Variants in DDB2 observed in about 807,000 individuals in gnomAD.
DDB2 encodes the protein damage specific DNA binding protein 2.
DDB2 carries 27 observed loss-of-function variants against 50.5 expected under a neutral mutation model. That is an observed-to-expected ratio of 0.53 (90% confidence interval 0.39 to 0.74). The LOEUF (loss-of-function observed/expected upper bound fraction) is 0.74, where lower values mean the gene tolerates loss of function less well. DDB2 is among the 30% of genes least tolerant of loss of function. The pLI is 0.00. For missense variants in DDB2, 424 were observed against 545.6 expected, an observed-to-expected ratio of 0.78 and a Z score of 2.22; for synonymous variants, 176 against 205.5, an observed-to-expected ratio of 0.86 and a Z score of 1.23.
intron 3 of DDB2, among the ~76,000 whole-genome samples, chr11:47,219,744 AG>A (rs1953455121): frequency 6.6e-6 from 1 of 152,242 alleles, no homozygotes; most frequent in East Asian, 1.9e-4. Flanking sequence ...TCTGGTTTAA[AG>A]GTAGACATGA....
At position 47,223,097 on chromosome 11, in the gene DDB2, A is replaced by G. The variant is rs959239224; in HGVS notation, c.456+6048A>G. On this transcript the variant is annotated intron_variant, in intron 3 of 9. Coordinates refer to ENST00000256996, the MANE Select transcript of DDB2 (RefSeq NM_000107.3). ...GAATTCTAGGTTCACAGTTTTTAAA[A>G]TTATTTAACTTTTATTTTTTAATTG... Among the ~76,000 whole-genome samples the G allele has an allele frequency of 7.2e-5, 11 of 152,318 alleles. No individual in the cohort carries two copies. In the South Asian group the frequency reaches 1.0e-3, roughly 14 times the overall value.
At position 47,237,883 on chromosome 11, in the gene DDB2, C is replaced by T. The variant is rs780665825; in HGVS notation, c.1070C>T (p.Pro357Leu). ...RYNLIVVGRY[P>L]DPNFKSCTPY... is the part of the protein sequence containing the mutation. ...AACCTCATTGTTGTGGGCCGATACCCAGATCCTAATTTCAAAAGTTGTACC... is the reference window on the plus strand; with the variant it reads ...AACCTCATTGTTGTGGGCCGATACCTAGATCCTAATTTCAAAAGTTGTACC... The change falls in exon 8 of 10, where the codon CCA becomes CTA. Residue 357 changes from proline to leucine, a missense_variant. Coordinates refer to ENST00000256996, the MANE Select transcript of DDB2 (RefSeq NM_000107.3). The T allele has an allele frequency of 1.3e-5, 21 of 1,614,048 alleles. No homozygotes were observed. The highest frequency in any genetic ancestry group is 1.6e-5 in the Non-Finnish European group (19 of 1,180,034).
rs1953695708 is a variant in DDB2, at chr11:47,234,595, G to A, written c.625G>A (p.Val209Met). Residue 209 changes from valine to methionine, a missense_variant, in exon 5 of 10, where the codon GTG becomes ATG. Transcript: ENST00000256996. ...TINIWFCSLD[V>M]SASSRMVVTG... ...CAGCATCTGGTTTTGTAGCCTGGAT[G>A]TGTCTGCTAGTAGCCGAATGGTGGT... 1.2e-6 allele frequency: 2 copies of A among 1,613,996 alleles called. No individual in the cohort carries two copies. Among genetic ancestry groups the A allele is most frequent in the African/African-American group, 2.7e-5 (2 of 74,896 alleles).
intron 1 of DDB2, 101 bp downstream of exon 1, chr11:47,215,364 C>T: frequency 1.3e-6 from 2 of 1,589,406 alleles, no homozygotes; most frequent in East Asian, 2.2e-5. Flanking sequence ...GAGGCCCGCG[C>T]AGGTCACGGG....
intron 3 of DDB2, among the ~76,000 whole-genome samples, chr11:47,217,625 C>A (rs1953420238): frequency 6.6e-6 from 1 of 151,332 alleles, no homozygotes; most frequent in South Asian, 2.1e-4. Flanking sequence ...GGCGCAGTGG[C>A]TCAGGCCTGT....
intron 3 of DDB2, among the ~76,000 whole-genome samples, chr11:47,232,485 TA>T (rs11422980): frequency 7.9e-4 from 115 of 146,026 alleles, no homozygotes; most frequent in South Asian, 1.5e-3. Context: ...AACCCCATCT[TA>T]AAAAAAAAAA....
At chr11:47,227,268 G>A (rs1258399162) in intron 3 of DDB2, among the ~76,000 whole-genome samples, 4 of 150,072 alleles carry the variant, frequency 2.7e-5, no homozygotes, top group East Asian at 2.0e-4. Flanking sequence ...CACCATGCCC[G>A]GCTAATTTTT....
intron 3 of DDB2, among the ~76,000 whole-genome samples, chr11:47,232,258 C>T (rs936631347): frequency 4.6e-5 from 7 of 151,904 alleles, no homozygotes; most frequent in African/African-American, 4.8e-5. Flanking sequence ...GCAGGAGAAT[C>T]GCTTGAACCT....
intron 3 of DDB2, among the ~76,000 whole-genome samples, chr11:47,223,304 G>T (rs1953512220): frequency 6.6e-6 from 1 of 152,198 alleles, no homozygotes; most frequent in East Asian, 1.9e-4. Context: ...GGCTAACATG[G>T]TGAAACCCCG....
intron 3 of DDB2, among the ~76,000 whole-genome samples, chr11:47,218,759 A>C (rs1453430654): frequency 6.6e-6 from 1 of 151,622 alleles, no homozygotes; most frequent in Non-Finnish European, 1.5e-5. Context: ...AAAAAAAAAG[A>C]ATGTATGGTG....
intron 3 of DDB2, among the ~76,000 whole-genome samples, chr11:47,231,134 A>AC (rs1320174580): frequency 6.6e-6 from 1 of 151,158 alleles, no homozygotes; most frequent in African/African-American, 2.4e-5. Context: ...AAAAAAAAAA[A>AC]AAAAAAAAAA....
At chr11:47,229,376 A>T (rs1370144579) in intron 3 of DDB2, among the ~76,000 whole-genome samples, 2 of 151,952 alleles carry the variant, frequency 1.3e-5, no homozygotes, top group Admixed American at 6.6e-5. Flanking sequence ...TTGCATGGAG[A>T]GGGGCGGCCG....
At chr11:47,230,104 C>A (rs967964839) in intron 3 of DDB2, among the ~76,000 whole-genome samples, 5 of 148,712 alleles carry the variant, frequency 3.4e-5, no homozygotes, top group African/African-American at 1.2e-4. Flanking sequence ...TTGAGACTGG[C>A]CTGAGTTACA....
At chr11:47,236,332 C>T (rs1250607892) in intron 7 of DDB2, among the ~76,000 whole-genome samples, 1 of 152,196 alleles carries the variant, frequency 6.6e-6, no homozygotes, top group Non-Finnish European at 1.5e-5. Flanking sequence ...TTAATAGCTT[C>T]TCTATCATTA....
At position 47,215,225 on chromosome 11, in the gene DDB2, T is replaced by C. The variant is rs1216749191; in HGVS notation, c.89T>C (p.Leu30Pro). 1.2e-6 allele frequency: 2 copies of C among 1,613,976 alleles called. No homozygotes were observed. The highest frequency in any genetic ancestry group is 1.3e-5 in the African/African-American group (1 of 74,996). The change falls in exon 1 of 10, where the codon CTG (leucine) becomes CCG (proline). Residue 30 changes from leucine (L) to proline (P), a missense_variant. Leu to Pro is a moderately conservative substitution (Grantham distance 98). Transcript: ENST00000256996. ...RNKRSRSPLE[L>P]EPEAKKLCAK... ...AAGAGGAGCAGGAGTCCCCTGGAGC[T>C]GGAGCCCGAGGCCAAGAAGCTCTGT...
At chr11:47,231,519 AATTTTATTTT>A (rs916414479) in intron 3 of DDB2, among the ~76,000 whole-genome samples, 18 of 152,062 alleles carry the variant, frequency 1.2e-4, no homozygotes, top group African/African-American at 4.1e-4. Flanking sequence ...TTCTATTTTT[AATTTTATTTT>A]ATTTTATTTT....
At chr11:47,224,160 T>G (rs1342529604) in intron 3 of DDB2, among the ~76,000 whole-genome samples, 2 of 152,322 alleles carry the variant, frequency 1.3e-5, no homozygotes, top group Admixed American at 1.3e-4. Flanking sequence ...TATGTAATTT[T>G]TCTTCTGGTC....
In DDB2 at chr11:47,238,768, A is replaced by G. The variant is rs901746; in HGVS notation, c.1235-32A>G. On this transcript the variant is annotated intron_variant, in intron 9 of 9. Coordinates refer to ENST00000256996, the MANE Select transcript of DDB2 (RefSeq NM_000107.3). The stretch of plus-strand genomic sequence containing the variant: ...AGGCTCTGAGAGATTGGTAACAGAA[A>G]GTGTAAGTCAGACTGGTCTCACTCT... 551,927 of 1,610,664 alleles carry G rather than the reference A, an allele frequency of 0.34. 103,621 individuals are homozygous for G. Among genetic ancestry groups the G allele is most frequent in the East Asian group, 0.74 (33,275 of 44,778 alleles).
At chr11:47,220,960 A>T (rs1554973770) in intron 3 of DDB2, among the ~76,000 whole-genome samples, 1 of 152,172 alleles carries the variant, frequency 6.6e-6, no homozygotes, top group Non-Finnish European at 1.5e-5. Flanking sequence ...AGGAGTTCCG[A>T]GACCAGCCTG....
Sources: allele counts gnomAD v4.1 joint callset (sites outside exome capture counted in the v4.1 genomes callset), GRCh38; gene constraint gnomAD v4.1.1; transcripts MANE v1.5; gene names NCBI Gene and HGNC (gene_info 2026-07-23, HGNC 2026-07-21).